Variants in NRXN3 observed in about 807,000 individuals in gnomAD.
NRXN3 encodes neurexin 3.
In NRXN3, 32 loss-of-function variants were observed where a neutral mutation model predicts 137.6. That is an observed-to-expected ratio of 0.23 (90% CI 0.18 to 0.31). The LOEUF is 0.31. Ranked by LOEUF, NRXN3 falls within the 10% of genes least tolerant of loss-of-function variation. The pLI is 1.00. For missense variants in NRXN3, 1,574 were observed against 2,062.5 expected (o/e 0.76, Z 4.59); for synonymous variants, 798 against 784.5 (o/e 1.02, Z -0.29).
At chr14:78,387,841 A>G (rs2090194094) in intron 4 of NRXN3, among the ~76,000 whole-genome samples, 1 of 152,174 alleles carries the variant, frequency 6.6e-6, no homozygotes, top group Non-Finnish European at 1.5e-5. Context: ...GATATAAAGT[A>G]TTTGGCCTGG....
chr14:78,818,849 C>T (rs922295219), intron 10 of NRXN3, among the ~76,000 whole-genome samples: 7 of 152,070 alleles, frequency 4.6e-5, no homozygotes, highest in Admixed American at 2.0e-4. Flanking sequence ...TCACATTGCC[C>T]ACCTCCATTT....
chr14:78,552,638 T>G (rs1192019146), intron 4 of NRXN3, among the ~76,000 whole-genome samples: 1 of 152,136 alleles, frequency 6.6e-6, no homozygotes, highest in Non-Finnish European at 1.5e-5. Flanking sequence ...TGCACTCCAG[T>G]ATGGGCAACA....
At chr14:79,817,719 C>A (rs781010393) in intron 20 of NRXN3, among the ~76,000 whole-genome samples, 2 of 152,130 alleles carry the variant, frequency 1.3e-5, no homozygotes, top group Admixed American at 1.3e-4. Context: ...CTGTCTCTTA[C>A]GTAGCGCTTA....
intron 15 of NRXN3, among the ~76,000 whole-genome samples, chr14:79,457,241 A>G (rs1214457583): frequency 6.6e-6 from 1 of 152,196 alleles, no homozygotes; most frequent in Non-Finnish European, 1.5e-5. Flanking sequence ...ATAGAGACAG[A>G]GGATGTGCTG....
intron 4 of NRXN3, among the ~76,000 whole-genome samples, chr14:78,338,552 G>A (rs1469903128): frequency 6.6e-6 from 1 of 152,160 alleles, no homozygotes; most frequent in East Asian, 1.9e-4. Flanking sequence ...AGAGGTTGGT[G>A]CAGACTAGCT....
chr14:79,489,857 T>C (rs2096696411), intron 16 of NRXN3, among the ~76,000 whole-genome samples: 1 of 151,440 alleles, frequency 6.6e-6, no homozygotes, highest in African/African-American at 2.4e-5. Flanking sequence ...GGCTAACACG[T>C]TGAAACTCCA....
At chr14:79,388,805 T>C (rs913762779) in intron 15 of NRXN3, among the ~76,000 whole-genome samples, 2 of 152,178 alleles carry the variant, frequency 1.3e-5, no homozygotes, top group African/African-American at 4.8e-5. Flanking sequence ...GCTCCCATAA[T>C]GCCCGAATGT....
At chr14:78,320,738 C>T (rs2079234038) in intron 4 of NRXN3, among the ~76,000 whole-genome samples, 1 of 152,150 alleles carries the variant, frequency 6.6e-6, no homozygotes, top group African/African-American at 2.4e-5. Context: ...TGTATCTGCA[C>T]ATTTATCCAG....
At chr14:79,841,352 A>G (rs963245931) in intron 20 of NRXN3, among the ~76,000 whole-genome samples, 1 of 152,160 alleles carries the variant, frequency 6.6e-6, no homozygotes, top group African/African-American at 2.4e-5. Flanking sequence ...AGAGGAGAAA[A>G]CAGGTTGGAA....
At chr14:78,491,614 C>T (rs754193970) in intron 4 of NRXN3, among the ~76,000 whole-genome samples, 8 of 152,110 alleles carry the variant, frequency 5.3e-5, no homozygotes, top group South Asian at 2.1e-4. Flanking sequence ...AGGCATGAAA[C>T]GGAATATCTG....
At chr14:79,376,396 T>C (rs2218782) in intron 15 of NRXN3, among the ~76,000 whole-genome samples, 48,513 of 151,316 alleles carry the variant, frequency 0.32, 8,594 homozygotes, top group Middle Eastern at 0.52. Flanking sequence ...ATTGGATTCA[T>C]TCACACGGAA....
intron 10 of NRXN3, among the ~76,000 whole-genome samples, chr14:78,928,111 A>C (rs567630872): frequency 6.6e-6 from 1 of 152,226 alleles, no homozygotes; most frequent in South Asian, 2.1e-4. Context: ...GGGGTTGTTA[A>C]CCAGCTTTCC....
At position 78,858,714 on chromosome 14, in the gene NRXN3, G is replaced by A. The variant is rs180790989; in HGVS notation, c.2275+48370G>A. Among the ~76,000 whole-genome samples, 11 of 152,162 alleles carry A rather than the reference G, an allele frequency of 7.2e-5. No individual in the cohort carries two copies. In the East Asian group the frequency reaches 1.9e-3, roughly 27 times the overall value. The stretch of plus-strand genomic sequence containing the variant: ...AAGTTCTCAGTGGACTCAGGTTTCC[G>A]GAGGACTTTTTTGTTAACTGCTGAT... On this transcript the variant is annotated intron_variant, in intron 10 of 20. Coordinates refer to ENST00000335750, the MANE Select transcript of NRXN3 (RefSeq NM_001330195.2).
intron 10 of NRXN3, among the ~76,000 whole-genome samples, chr14:78,931,039 C>T (rs1173254925): frequency 6.6e-6 from 1 of 152,122 alleles, no homozygotes; most frequent in Non-Finnish European, 1.5e-5. Context: ...AAAATGTTTT[C>T]CTAAGCAAAA....
intron 15 of NRXN3, among the ~76,000 whole-genome samples, chr14:79,182,767 C>T (rs1366154465): frequency 6.6e-6 from 1 of 152,076 alleles, no homozygotes; most frequent in Non-Finnish European, 1.5e-5. Flanking sequence ...AGGATTAAGA[C>T]AGGCATTAAA....
chr14:79,358,607 G>GAGAGAGAGAGAA (rs2093538531), intron 15 of NRXN3, among the ~76,000 whole-genome samples: 32 of 79,944 alleles, frequency 4.0e-4, no homozygotes, highest in Admixed American at 1.6e-4. Context: ...AAGAAAGAAA[G>GAGAGAGAGAGAA]AGAAAGAAAG....
At chr14:78,707,729 C>A (rs1488549492) in intron 6 of NRXN3, among the ~76,000 whole-genome samples, 1 of 152,152 alleles carries the variant, frequency 6.6e-6, no homozygotes, top group Non-Finnish European at 1.5e-5. Context: ...CCTCAAGTCC[C>A]CAAAGTCCAT....
chr14:79,682,504 AC>A (rs2098675613), intron 17 of NRXN3, among the ~76,000 whole-genome samples: 1 of 152,198 alleles, frequency 6.6e-6, no homozygotes, highest in African/African-American at 2.4e-5. Flanking sequence ...ACTAAATGAT[AC>A]ATGGCTGCCA....
At chr14:78,524,535 CA>C (rs1413809690) in intron 4 of NRXN3, among the ~76,000 whole-genome samples, 2 of 152,170 alleles carry the variant, frequency 1.3e-5, no homozygotes, top group Non-Finnish European at 2.9e-5. Context: ...CCGATTGAAT[CA>C]GGTTCTTTTA....
Sources: allele counts gnomAD v4.1 joint callset (sites outside exome capture counted in the v4.1 genomes callset), GRCh38; gene constraint gnomAD v4.1.1; transcripts MANE v1.5; gene names NCBI Gene and HGNC (gene_info 2026-07-23, HGNC 2026-07-21).